Variants in PREX2 observed in about 807,000 individuals in gnomAD.
The protein encoded by PREX2 is phosphatidylinositol-3,4,5-trisphosphate dependent Rac exchange factor 2, also known as phosphatidylinositol 3,4,5-trisphosphate-dependent Rac exchanger 2 protein.
In PREX2, 107 loss-of-function variants were observed where a neutral mutation model predicts 203.2. The ratio of observed to expected loss-of-function variants is 0.53; its 90% CI spans 0.45 to 0.62. The LOEUF (loss-of-function observed/expected upper bound fraction) is 0.62. Among genes scored for constraint, PREX2 ranks in the 20% least tolerant of loss-of-function variants. The pLI is 0.00. For synonymous variants in PREX2, 672 were observed against 663.6 expected (o/e 1.01, Z -0.19); for missense variants, 1,777 against 1,955.9 (o/e 0.91, Z 1.72).
In PREX2 at chr8:68,115,981, A is replaced by T. The variant is rs74495104; in HGVS notation, c.3326+49A>T. ...CATTTTCTTAACAAAGTCAAATATG[A>T]TGCTGGATTTTCCACAAAGATCTTG... On this transcript the variant is annotated intron_variant, in intron 26 of 39. Transcript: ENST00000288368. The T allele has an allele frequency of 4.0e-3, 5,799 of 1,465,926 alleles. 193 individuals carry two copies. The African/African-American group carries it at 0.069, about 18-fold the overall frequency. The allele number at this position is 1,465,926 out of a possible 1,614,324, so 90.8% of individuals were successfully genotyped here.
intron 1 of PREX2, among the ~76,000 whole-genome samples, chr8:67,965,753 T>C (rs1189541344): frequency 6.6e-6 from 1 of 152,158 alleles, no homozygotes; most frequent in Non-Finnish European, 1.5e-5. Flanking sequence ...CTGGTAGTCA[T>C]AGAATGAAGT....
rs1213022683 is a variant in PREX2 at position 68,236,040 on chromosome 8, A to G, written c.*4662A>G. On this transcript the variant is annotated 3_prime_UTR_variant, in exon 40 of 40. Transcript: ENST00000288368. ...TTACTAGTGTTTGTGATAATGTTATAAAAATTAATAAGATTGTTTTGTTTT... is the reference window on the plus strand; with the variant it reads ...TTACTAGTGTTTGTGATAATGTTATGAAAATTAATAAGATTGTTTTGTTTT... The G allele has an allele frequency of 1.3e-5, 2 of 152,164 alleles. No individual in the cohort carries two copies. The highest frequency in any genetic ancestry group is 2.9e-5 in the Non-Finnish European group (2 of 68,014). The allele number at this position is 152,164 out of a possible 1,614,324, so 9.4% of individuals were successfully genotyped here. A position where few individuals can be genotyped will look rare whatever the true frequency, so the allele number is the denominator to read the frequency against.
chr8:67,959,252 G>A (rs1242268465), intron 1 of PREX2, among the ~76,000 whole-genome samples: 1 of 152,154 alleles, frequency 6.6e-6, no homozygotes, highest in Non-Finnish European at 1.5e-5. Flanking sequence ...CTTGAGGGAA[G>A]TGGGGTGTGT....
chr8:68,187,953 T>C (rs888101912), intron 35 of PREX2, among the ~76,000 whole-genome samples: 7 of 152,192 alleles, frequency 4.6e-5, no homozygotes, highest in Admixed American at 4.6e-4. Context: ...AATGTTATTG[T>C]ACACTAGGTG....
chr8:68,169,045 C>T (rs572663255), intron 35 of PREX2, among the ~76,000 whole-genome samples: 1 of 152,066 alleles, frequency 6.6e-6, no homozygotes, highest in South Asian at 2.1e-4. Context: ...GATATCCAGG[C>T]TGTGGCCACT....
chr8:67,991,125 A>G (rs963196782), intron 1 of PREX2, among the ~76,000 whole-genome samples: 1 of 152,194 alleles, frequency 6.6e-6, no homozygotes, highest in Non-Finnish European at 1.5e-5. Context: ...TTTTAGAATC[A>G]TGTTTAATTC....
At chr8:67,952,568 C>A in intron 1 of PREX2, 33 bp downstream of exon 1, 3 of 1,593,446 alleles carry the variant, frequency 1.9e-6, no homozygotes, top group East Asian at 4.6e-5. Flanking sequence ...GGGGGACGTC[C>A]GGGCGGCGCG....
chr8:68,052,427 G>A (rs376085898), intron 8 of PREX2, among the ~76,000 whole-genome samples: 1 of 152,158 alleles, frequency 6.6e-6, no homozygotes, highest in African/African-American at 2.4e-5. Flanking sequence ...TAAAATTATA[G>A]TGAGGTATCA....
chr8:68,120,315 G>A, intron 29 of PREX2, 29 bp downstream of exon 29: 3 of 1,505,978 alleles, frequency 2.0e-6, no homozygotes. Flanking sequence ...ACTAGTAGAA[G>A]CAATTGAGAA....
At chr8:68,083,581 T>G (rs79472493) in intron 18 of PREX2, among the ~76,000 whole-genome samples, 193 bp downstream of exon 18, 1 of 152,228 alleles carries the variant, frequency 6.6e-6, no homozygotes, top group Non-Finnish European at 1.5e-5. Flanking sequence ...TACTTGTTAC[T>G]TGAATCATGT....
rs1809961189 is a variant in PREX2 at position 68,093,614 on chromosome 8, A to G, written c.2260A>G (p.Ile754Val). Residue 754 changes from isoleucine to valine, a missense_variant, in exon 21 of 40, where the codon ATA becomes GTA. Transcript: ENST00000288368. ...KYRRPTKQDS[I>V]QWVYNSIESA... Reference sequence around the variant, plus strand: ...CCCCCCTCATTTCCAGCAAGATTCCATACAATGGGTTTATAATAGCATTGA... The same window carrying G: ...CCCCCCTCATTTCCAGCAAGATTCCGTACAATGGGTTTATAATAGCATTGA... 3 of 1,572,902 alleles carry G rather than the reference A, an allele frequency of 1.9e-6. No homozygotes were observed. Among genetic ancestry groups the G allele is most frequent in the Middle Eastern group, 1.7e-4 (1 of 5,956 alleles).
chr8:68,159,395 A>G (rs1291949686), intron 35 of PREX2, among the ~76,000 whole-genome samples: 2 of 152,186 alleles, frequency 1.3e-5, no homozygotes, highest in African/African-American at 4.8e-5. Flanking sequence ...GAATGGCCAT[A>G]TAGTCTCTTT....
intron 1 of PREX2, among the ~76,000 whole-genome samples, chr8:67,966,890 G>A (rs1308938300): frequency 6.6e-6 from 1 of 152,148 alleles, no homozygotes; most frequent in Admixed American, 6.5e-5. Flanking sequence ...GCACTGACAA[G>A]CATTACAAAT....
Position 68,233,597 on chromosome 8 carries a change from C to G in PREX2, c.*2219C>G, listed in dbSNP as rs1297172728. Reference sequence around the variant, plus strand: ...ATCGTAATAAAAATTGTAGCTAACACTTATTAAGGGATTACTACATGCCCA... The same window carrying G: ...ATCGTAATAAAAATTGTAGCTAACAGTTATTAAGGGATTACTACATGCCCA... On this transcript the variant is annotated 3_prime_UTR_variant, in exon 40 of 40. Transcript: ENST00000288368. 1 of 152,182 alleles carries G rather than the reference C, an allele frequency of 6.6e-6. No individual in the cohort carries two copies. The highest frequency in any genetic ancestry group is 1.5e-5 in the Non-Finnish European group (1 of 68,032). The allele number at this position is 152,182 out of a possible 1,614,324, so 9.4% of individuals were successfully genotyped here. A position where few individuals can be genotyped will look rare whatever the true frequency, so the allele number is the denominator to read the frequency against.
intron 8 of PREX2, among the ~76,000 whole-genome samples, chr8:68,049,578 A>G (rs958811959): frequency 6.6e-6 from 1 of 152,098 alleles, no homozygotes; most frequent in African/African-American, 2.4e-5. Flanking sequence ...TGACTTGTTC[A>G]GGTCTGTCCC....
At chr8:68,045,312 T>C (rs997213228) in intron 8 of PREX2, among the ~76,000 whole-genome samples, 2 of 152,130 alleles carry the variant, frequency 1.3e-5, no homozygotes, top group Non-Finnish European at 2.9e-5. Flanking sequence ...TTAAAAAATA[T>C]GCTTCTACGA....
rs1812315908 is a variant in PREX2, at chr8:68,192,394, A to T, written c.4473A>T (p.Arg1491Ser). The change falls in exon 37 of 40, where the codon AGA (arginine) becomes AGT (serine). Residue 1491 changes from arginine (R) to serine (S), a missense_variant. Physicochemically the swap from Arg to Ser is moderately radical, Grantham distance 110. Transcript: ENST00000288368. Reference sequence around the variant, plus strand: ...ACCGACTGGTAGCCTCGTTTATCAGATCCAAGCGCACAGCTGCCTGTGCAA... The same window carrying T: ...ACCGACTGGTAGCCTCGTTTATCAGTTCCAAGCGCACAGCTGCCTGTGCAA... ...ELYRLVASFI[R>S]SKRTAACANT... is the part of the protein sequence containing the mutation. 5 of 1,613,784 alleles carry T rather than the reference A, an allele frequency of 3.1e-6. No homozygotes were observed. Among genetic ancestry groups the T allele is most frequent in the African/African-American group, 1.3e-5 (1 of 74,926 alleles).
Position 68,221,184 on chromosome 8 carries a change from A to G in PREX2, c.4708-3375A>G, listed in dbSNP as rs117228824. Among the ~76,000 whole-genome samples the G allele has an allele frequency of 4.2e-3, 642 of 152,320 alleles. 2 individuals carry two copies. Among genetic ancestry groups the G allele is most frequent in the Middle Eastern group, 0.014 (4 of 294 alleles). On this transcript the variant is annotated intron_variant, in intron 38 of 39. Coordinates refer to ENST00000288368, the MANE Select transcript of PREX2 (RefSeq NM_024870.4). ...CTCCAGCTGCATTCAGGCTGCTGCA[A>G]AGAACATGATTTTATCCTTTTTATG...
chr8:68,162,399 T>G (rs886177526), intron 35 of PREX2, among the ~76,000 whole-genome samples: 3 of 152,138 alleles, frequency 2.0e-5, no homozygotes, highest in Non-Finnish European at 2.9e-5. Context: ...TGTTTAACAA[T>G]TAATGTTTCA....
Sources: allele counts gnomAD v4.1 joint callset (sites outside exome capture counted in the v4.1 genomes callset), GRCh38; gene constraint gnomAD v4.1.1; transcripts MANE v1.5; gene names NCBI Gene and HGNC (gene_info 2026-07-23, HGNC 2026-07-21).